The following GRM8 variants were observed in gnomAD, a reference collection of about 807,000 sequenced individuals.
The protein encoded by GRM8 is metabotropic glutamate receptor 8.
A neutral mutation model predicts 87.2 loss-of-function variants in GRM8; 47 were observed. That is an observed-to-expected ratio of 0.54 (90% CI 0.43 to 0.69). The LOEUF (loss-of-function observed/expected upper bound fraction) is 0.69. GRM8 is among the 30% of genes least tolerant of loss of function. The pLI is 0.00. For synonymous variants in GRM8, 396 were observed against 404.5 expected (o/e 0.98, Z 0.25); for missense variants, 1,019 against 1,139.2 (o/e 0.89, Z 1.52).
chr7:126,800,433 G>A (rs911331290), intron 6 of GRM8, among the ~76,000 whole-genome samples: 2 of 152,060 alleles, frequency 1.3e-5, no homozygotes, highest in African/African-American at 4.8e-5. Flanking sequence ...TAACTGTAAT[G>A]CAGCCATGCC....
intron 7 of GRM8, among the ~76,000 whole-genome samples, chr7:126,646,334 G>A (rs151063029): frequency 5.4e-5 from 8 of 148,082 alleles, no homozygotes; most frequent in Non-Finnish European, 1.1e-4. Context: ...AAGGAAGGAA[G>A]GAAGTTCCTT....
At chr7:126,626,031 T>A (rs928164218) in intron 7 of GRM8, among the ~76,000 whole-genome samples, 1 of 151,998 alleles carries the variant, frequency 6.6e-6, no homozygotes, top group Non-Finnish European at 1.5e-5. Flanking sequence ...ATATATGACT[T>A]CCATTATAAA....
At position 126,825,777 on chromosome 7, in the gene GRM8, A is replaced by T. The variant is rs964987829; in HGVS notation, c.1157-55712T>A. 3.2e-4 allele frequency among the ~76,000 whole-genome samples: 49 copies of T among 152,110 alleles called. 1 individual carries two copies. The highest frequency in any genetic ancestry group is 1.1e-3 in the African/African-American group (46 of 41,440). ...GGTACAGGTGCACAATGTGCAGGTT[A>T]GTTACATATGTATACATGTGCCATG... is the stretch of plus-strand genomic sequence containing the variant. On this transcript the variant is annotated intron_variant, in intron 6 of 10. Coordinates refer to ENST00000339582, the MANE Select transcript of GRM8 (RefSeq NM_000845.3).
intron 6 of GRM8, among the ~76,000 whole-genome samples, chr7:126,842,382 A>T (rs1046186839): frequency 2.0e-5 from 3 of 152,220 alleles, no homozygotes; most frequent in Non-Finnish European, 4.4e-5. Flanking sequence ...CTCCCACCCA[A>T]AACTATATAG....
chr7:126,513,179 T>C (rs1332849049), intron 9 of GRM8, among the ~76,000 whole-genome samples: 1 of 152,050 alleles, frequency 6.6e-6, no homozygotes, highest in African/African-American at 2.4e-5. Flanking sequence ...AATTAAGAAA[T>C]AAAGCTCTTG....
chr7:126,861,959 C>T (rs1236528773), intron 6 of GRM8, among the ~76,000 whole-genome samples: 1 of 151,500 alleles, frequency 6.6e-6, no homozygotes, highest in East Asian at 1.9e-4. Flanking sequence ...TCCCTTTTGG[C>T]TTGTTTTTGT....
chr7:126,761,326 G>A (rs1817572917), intron 7 of GRM8, among the ~76,000 whole-genome samples: 1 of 152,050 alleles, frequency 6.6e-6, no homozygotes, highest in African/African-American at 2.4e-5. Context: ...TATAAAGAGA[G>A]ATCATTGGGG....
intron 3 of GRM8, among the ~76,000 whole-genome samples, chr7:127,006,008 G>C (rs1032515444): frequency 6.6e-6 from 1 of 151,474 alleles, no homozygotes; most frequent in South Asian, 2.1e-4. Flanking sequence ...TTTTCCTCTG[G>C]CCTCAAAGCC....
intron 7 of GRM8, among the ~76,000 whole-genome samples, chr7:126,728,739 C>T (rs1449110489): frequency 1.3e-5 from 2 of 152,174 alleles, no homozygotes; most frequent in Admixed American, 6.5e-5. Context: ...AACTGATCAG[C>T]TCAACAGGTG....
At chr7:126,621,137 T>C (rs538123271) in intron 7 of GRM8, among the ~76,000 whole-genome samples, 2 of 152,358 alleles carry the variant, frequency 1.3e-5, no homozygotes, top group East Asian at 3.9e-4. Context: ...TCATGCTCTC[T>C]TTCCTTATCC....
chr7:127,170,712 C>T (rs1052487663), intron 2 of GRM8, among the ~76,000 whole-genome samples: 7 of 152,056 alleles, frequency 4.6e-5, no homozygotes, highest in African/African-American at 1.7e-4. Flanking sequence ...GGACTGGAGA[C>T]CAGTAGTCTA....
chr7:126,864,525 C>T (rs1195036503), intron 6 of GRM8, among the ~76,000 whole-genome samples: 1 of 152,028 alleles, frequency 6.6e-6, no homozygotes, highest in Non-Finnish European at 1.5e-5. Flanking sequence ...CTAGAAATTT[C>T]ATTTTAGTTC....
At chr7:126,476,561 C>T (rs1379661073) in intron 9 of GRM8, among the ~76,000 whole-genome samples, 1 of 151,720 alleles carries the variant, frequency 6.6e-6, no homozygotes, top group Non-Finnish European at 1.5e-5. Context: ...CAAAAGAAAC[C>T]CCTGATTTTA....
chr7:127,182,960 T>C (rs555113610), intron 2 of GRM8, among the ~76,000 whole-genome samples: 2 of 151,834 alleles, frequency 1.3e-5, no homozygotes, highest in South Asian at 4.2e-4. Context: ...ACTGCTCGGG[T>C]GATGGATGAA....
At chr7:126,630,742 A>G (rs1413884438) in intron 7 of GRM8, among the ~76,000 whole-genome samples, 1 of 152,168 alleles carries the variant, frequency 6.6e-6, no homozygotes, top group Non-Finnish European at 1.5e-5. Flanking sequence ...AAGTCAACAA[A>G]TGTGATTCAT....
chr7:126,639,950 C>A (rs954948050), intron 7 of GRM8, among the ~76,000 whole-genome samples: 3 of 152,170 alleles, frequency 2.0e-5, no homozygotes, highest in African/African-American at 4.8e-5. Flanking sequence ...ACAAGCCCAT[C>A]TGTATTTAAG....
rs974531131 is a variant in GRM8, at chr7:126,537,644, G to T, written c.1495-3757C>A. Among the ~76,000 whole-genome samples the T allele has an allele frequency of 2.0e-5, 3 of 152,092 alleles. No homozygotes were observed. The East Asian group carries it at 5.8e-4, about 29-fold the overall frequency. On this transcript the variant is annotated intron_variant, in intron 8 of 10. Coordinates refer to ENST00000339582, the MANE Select transcript of GRM8 (RefSeq NM_000845.3). ...ACAAAAAAATTAGCCGGGCATGGTGGCAGGTGCCTGTAGTCCTAGCTACTT... is the reference window on the plus strand; with the variant it reads ...ACAAAAAAATTAGCCGGGCATGGTGTCAGGTGCCTGTAGTCCTAGCTACTT...
At chr7:126,506,595 C>G (rs1810503553) in intron 9 of GRM8, among the ~76,000 whole-genome samples, 1 of 151,898 alleles carries the variant, frequency 6.6e-6, no homozygotes, top group Non-Finnish European at 1.5e-5. Flanking sequence ...GTCTGGCCAA[C>G]ATGGTAAAAC....
intron 2 of GRM8, among the ~76,000 whole-genome samples, chr7:127,143,020 C>T (rs1337189349): frequency 6.6e-6 from 1 of 152,152 alleles, no homozygotes; most frequent in Admixed American, 6.5e-5. Context: ...CATCCTTCCA[C>T]AGTGGAAAAC....
Sources: allele counts gnomAD v4.1 joint callset (sites outside exome capture counted in the v4.1 genomes callset), GRCh38; gene constraint gnomAD v4.1.1; transcripts MANE v1.5; gene names NCBI Gene and HGNC (gene_info 2026-07-23, HGNC 2026-07-21).